Variants in RPGRIP1 observed in about 807,000 individuals in gnomAD.
RPGRIP1 encodes RPGR interacting protein 1.
RPGRIP1 carries 128 observed loss-of-function variants against 157.9 expected under a neutral mutation model. The observed-to-expected ratio is 0.81, with a 90% CI of 0.70 to 0.94. RPGRIP1 has a LOEUF of 0.94. RPGRIP1 is among the 40% of genes least tolerant of loss of function. RPGRIP1 has a pLI of 0.00. For synonymous variants in RPGRIP1, 554 were observed against 571.6 expected (o/e 0.97, Z 0.44); for missense variants, 1,486 against 1,545.8 (o/e 0.96, Z 0.65).
At chr14:21,313,154 C>T (rs911633694) in intron 10 of RPGRIP1, among the ~76,000 whole-genome samples, 16 of 139,186 alleles carry the variant, frequency 1.1e-4, no homozygotes, top group Admixed American at 2.4e-4. Flanking sequence ...TTTTGGGGGG[C>T]TGGGGGGAAT....
At chr14:21,344,143 A>G (rs945411860) in intron 22 of RPGRIP1, among the ~76,000 whole-genome samples, 3 of 151,726 alleles carry the variant, frequency 2.0e-5, no homozygotes, top group African/African-American at 4.8e-5. Context: ...TCGTAATTGT[A>G]TCATAATTTT....
intron 21 of RPGRIP1, among the ~76,000 whole-genome samples, chr14:21,339,480 A>C (rs1256614954): frequency 3.3e-5 from 5 of 152,114 alleles, no homozygotes; most frequent in African/African-American, 4.8e-5. Flanking sequence ...TTAGATGTAC[A>C]GGAAGGTGCT....
Position 21,326,116 on chromosome 14 carries a change from T to C in RPGRIP1, c.2653T>C (p.Tyr885His), listed in dbSNP as rs1883075926. 2.5e-6 allele frequency: 4 copies of C among 1,605,626 alleles called. No individual in the cohort carries two copies. The highest frequency in any genetic ancestry group is 1.1e-5 in the South Asian group (1 of 90,516). The change falls in exon 17 of 25, where the codon TAT becomes CAT. Residue 885 changes from tyrosine to histidine, a missense_variant. Tyr to His is a moderately conservative substitution (Grantham distance 83). Coordinates refer to ENST00000400017, the MANE Select transcript of RPGRIP1 (RefSeq NM_020366.4). ...TGATGAAGACTTAGAGCCTGGCTCG[T>C]ATCTTGGCCGAGCCCGAGTGCCTTT... ...FDDEDLEPGSYLGRARVPLLP... is the reference protein window; with the variant it reads ...FDDEDLEPGSHLGRARVPLLP...
At chr14:21,349,068 A>ATTTTTT (rs397709409) in intron 24 of RPGRIP1, among the ~76,000 whole-genome samples, 3 of 113,418 alleles carry the variant, frequency 2.6e-5, no homozygotes, top group African/African-American at 7.0e-5. Context: ...CCTTACTACA[A>ATTTTTT]TTTTTTTTTT....
At chr14:21,337,211 T>C (rs1884454216) in intron 21 of RPGRIP1, among the ~76,000 whole-genome samples, 1 of 152,144 alleles carries the variant, frequency 6.6e-6, no homozygotes, top group African/African-American at 2.4e-5. Context: ...CTCTGCTACT[T>C]AACTAGATAT....
intron 20 of RPGRIP1, 57 bp downstream of exon 20, chr14:21,330,444 A>AGGTG (rs1252399147): frequency 8.2e-7 from 1 of 1,215,870 alleles, no homozygotes; most frequent in Non-Finnish European, 1.1e-6. Context: ...CGAGGTGGGC[A>AGGTG]GATCACGAGA....
At chr14:21,326,838 C>G (rs1020282670) in intron 17 of RPGRIP1, among the ~76,000 whole-genome samples, 1 of 152,116 alleles carries the variant, frequency 6.6e-6, no homozygotes, top group African/African-American at 2.4e-5. Context: ...AGAGAGATTT[C>G]CACACCAGAT....
At chr14:21,294,521 C>T (rs1880678569) in intron 2 of RPGRIP1, among the ~76,000 whole-genome samples, 156 bp from the exon 3 acceptor site, 1 of 152,122 alleles carries the variant, frequency 6.6e-6, no homozygotes, top group African/African-American at 2.4e-5. Context: ...AGCCACTGCG[C>T]CTGGCCCAGA....
chr14:21,320,523 C>G (rs982930600), intron 12 of RPGRIP1, among the ~76,000 whole-genome samples: 17 of 151,690 alleles, frequency 1.1e-4, no homozygotes, highest in Non-Finnish European at 8.8e-5. Flanking sequence ...GATCTCCTGA[C>G]CTCGTGATCC....
chr14:21,316,441 G>A (rs943931042), intron 10 of RPGRIP1, among the ~76,000 whole-genome samples: 7 of 151,978 alleles, frequency 4.6e-5, no homozygotes, highest in Admixed American at 1.3e-4. Context: ...TCTTGAGACG[G>A]AATCTCACAC....
rs972575186 is a variant in RPGRIP1, at chr14:21,287,017, T to C, written c.-38-922T>C. ...CAGCCTGGGGGACAGAATAAGACCC[T>C]GCCAAAAGAAAAAAAAAAGAGGAAA... On this transcript the variant is annotated intron_variant, in intron 1 of 24. Transcript: ENST00000400017. Among the ~76,000 whole-genome samples the C allele has an allele frequency of 4.2e-4, 55 of 130,102 alleles. 1 individual carries two copies. Among genetic ancestry groups the C allele is most frequent in the Non-Finnish European group, 1.1e-4 (7 of 63,288 alleles). The allele number at this position is 130,102 out of a possible 152,430, so 85.4% of individuals were successfully genotyped here. A position where few individuals can be genotyped will look rare whatever the true frequency, so the allele number is the denominator to read the frequency against.
intron 18 of RPGRIP1, among the ~76,000 whole-genome samples, chr14:21,328,041 A>G (rs1416606134): frequency 6.6e-6 from 1 of 152,158 alleles, no homozygotes; most frequent in Admixed American, 6.5e-5. Flanking sequence ...GTGGTGGCAC[A>G]TGCCTGTAAT....
intron 14 of RPGRIP1, chr14:21,324,300 ATAGGGCCACGATG>A: frequency 2.5e-6 from 1 of 401,222 alleles, no homozygotes; most frequent in South Asian, 2.4e-5. Context: ...CCAGTTAATC[ATAGGGCCACGATG>A]TACACCAAAA....
At chr14:21,320,428 C>A (rs958774247) in intron 12 of RPGRIP1, among the ~76,000 whole-genome samples, 2 of 149,252 alleles carry the variant, frequency 1.3e-5, no homozygotes, top group African/African-American at 5.0e-5. Flanking sequence ...GTAGCTGGGA[C>A]TACAGGCACC....
intron 24 of RPGRIP1, among the ~76,000 whole-genome samples, chr14:21,350,237 G>T (rs1308620888): frequency 1.3e-5 from 2 of 152,076 alleles, no homozygotes; most frequent in Non-Finnish European, 2.9e-5. Flanking sequence ...AAATTAGCCA[G>T]GCATGGCGGC....
At chr14:21,311,049 AAGAC>A (rs1211136153) in intron 8 of RPGRIP1, 2 of 437,626 alleles carry the variant, frequency 4.6e-6, no homozygotes, top group African/African-American at 4.0e-5. Context: ...AATCACCACT[AAGAC>A]AGAGTTCCAA....
Position 21,326,063 on chromosome 14 carries a change from G to T in RPGRIP1, c.2600G>T (p.Arg867Leu). 1.2e-6 allele frequency: 2 copies of T among 1,613,862 alleles called. No individual in the cohort carries two copies. Among genetic ancestry groups the T allele is most frequent in the Non-Finnish European group, 1.7e-6 (2 of 1,179,828 alleles). ...VTSDLDHYLR[R>L]EALSIHVFDD... The stretch of plus-strand genomic sequence containing the variant: ...TCTGACCTGGACCATTATCTGAGAC[G>T]GGAGGCCTTGTCTATACATGTTTTT... Residue 867 changes from arginine to leucine, a missense_variant, in exon 17 of 25, where the codon CGG becomes CTG. Transcript: ENST00000400017.
Position 21,343,193 on chromosome 14 carries a change from G to C in RPGRIP1, c.3497G>C (p.Arg1166Thr), listed in dbSNP as rs1416332398. The C allele has an allele frequency of 6.2e-7, 1 of 1,612,794 alleles. No individual in the cohort carries two copies. Residue 1166 changes from arginine (R) to threonine (T), a missense_variant, in exon 22 of 25, where the codon AGG becomes ACG. Transcript: ENST00000400017. ...TETPVSLRKP[R>T]AGEEIHFHFS... ...ACTCCAGTGTCCCTAAGGAAGCCTA[G>C]GGCAGGAGAAGAAATCCACTTTCAC...
chr14:21,317,500 A>G, intron 10 of RPGRIP1, 196 bp from the exon 11 acceptor site: 1 of 1,368,544 alleles, frequency 7.3e-7, no homozygotes, highest in Non-Finnish European at 9.8e-7. Flanking sequence ...CAGAAATGGT[A>G]CTGAGCAATA....
Sources: gnomAD v4.1 joint callset for allele counts (sites outside exome capture counted in the v4.1 genomes callset) on GRCh38, gnomAD v4.1.1 for gene constraint, MANE v1.5 for transcripts, NCBI Gene and HGNC (gene_info 2026-07-23, HGNC 2026-07-21) for gene names.